DHX36: variants seen among roughly 807,000 people sequenced by gnomAD.
DHX36 encodes the protein ATP-dependent DNA/RNA helicase DHX36.
DHX36 carries 50 observed loss-of-function variants against 139.0 expected under a neutral mutation model. That is an observed-to-expected ratio of 0.36 (90% confidence interval 0.29 to 0.46). The LOEUF (loss-of-function observed/expected upper bound fraction) is 0.46. DHX36 is among the 20% of genes least tolerant of loss of function. The pLI is 1.00. For synonymous variants in DHX36, 425 were observed against 401.9 expected (o/e 1.06, Z -0.69); for missense variants, 1,024 against 1,211.3 (o/e 0.85, Z 2.29).
At chr3:154,293,656 A>G in intron 14 of DHX36, 92 bp downstream of exon 14, 1 of 915,450 alleles carries the variant, frequency 1.1e-6, no homozygotes, top group East Asian at 2.5e-5. Flanking sequence ...TACAAGGTAT[A>G]TGGTAGAGAA....
chr3:154,305,401 C>T lies in DHX36; in HGVS notation c.894-233G>A, dbSNP rs1032168957. On this transcript the variant is annotated intron_variant, in intron 6 of 24. Transcript: ENST00000496811. Reference sequence around the variant, plus strand: ...TAATGTTAATTTCTTTTAAAAGATACGACCATTCACATTCAGACAACAACT... The same window carrying T: ...TAATGTTAATTTCTTTTAAAAGATATGACCATTCACATTCAGACAACAACT... 7.1e-5 allele frequency: 28 copies of T among 395,880 alleles called. 1 individual carries two copies. The highest frequency in any genetic ancestry group is 7.0e-4 in the Middle Eastern group (1 of 1,432). 24.5% of individuals were successfully genotyped at this position (395,880 alleles called of 1,614,324 possible). A position where few individuals can be genotyped will look rare whatever the true frequency, so the allele number is the denominator to read the frequency against.
At chr3:154,305,441 G>A in intron 6 of DHX36, 1 of 285,434 alleles carries the variant, frequency 3.5e-6, no homozygotes, top group Non-Finnish European at 6.5e-6. Context: ...TACTTATGGG[G>A]CCTAAATATT....
chr3:154,290,786 A>G (rs1711763595), intron 15 of DHX36, among the ~76,000 whole-genome samples: 1 of 152,132 alleles, frequency 6.6e-6, no homozygotes, highest in South Asian at 2.1e-4. Flanking sequence ...ACATAGACCC[A>G]CTGTCTATTA....
rs932078713 is a variant in DHX36, at chr3:154,276,053, G to A, written c.*118C>T. On this transcript the variant is annotated 3_prime_UTR_variant, in exon 25 of 25. Transcript: ENST00000496811. ...CATTAAGTCTTTACTACCTACTGAA[G>A]GCTTCTACCTTACACATGAAAATTG... 3 of 828,438 alleles carry A rather than the reference G, an allele frequency of 3.6e-6. No individual in the cohort carries two copies. The Admixed American group carries it at 8.5e-5, about 24-fold the overall frequency. 51.3% of individuals were successfully genotyped at this position (828,438 alleles called of 1,614,324 possible).
chr3:154,324,253 C>G lies in DHX36; in HGVS notation c.164G>C (p.Gly55Ala), dbSNP rs1486365314. 2 of 1,613,660 alleles carry G rather than the reference C, an allele frequency of 1.2e-6. No individual in the cohort carries two copies. Among genetic ancestry groups the G allele is most frequent in the South Asian group, 1.1e-5 (1 of 91,020 alleles). The part of the protein sequence containing the change: ...GGRGGRGRHP[G>A]HLKGREIGMW... The stretch of plus-strand genomic sequence containing the variant: ...GCCGATTTCGCGGCCTTTCAGGTGC[C>G]CGGGATGCCGGCCCCTGCCGCCTCG... The change falls in exon 1 of 25, where the codon GGG becomes GCG. Residue 55 changes from glycine (G) to alanine (A), a missense_variant. By Grantham distance (60) the Gly-to-Ala change is moderately conservative. Coordinates refer to ENST00000496811, the MANE Select transcript of DHX36 (RefSeq NM_020865.3).
At chr3:154,286,166 CAAAAA>C (rs60041573) in intron 17 of DHX36, among the ~76,000 whole-genome samples, 1 of 16,564 alleles carries the variant, frequency 6.0e-5, no homozygotes, top group East Asian at 1.8e-3. Flanking sequence ...TTCCACACAC[CAAAAA>C]AAAAAAAAAA....
At chr3:154,298,293 A>G (rs1712124177) in intron 12 of DHX36, among the ~76,000 whole-genome samples, 1 of 152,202 alleles carries the variant, frequency 6.6e-6, no homozygotes. Flanking sequence ...ATTTTTTAAA[A>G]TTATAAGTAC....
intron 20 of DHX36, among the ~76,000 whole-genome samples, chr3:154,282,454 T>C (rs1283988318): frequency 6.6e-6 from 1 of 152,196 alleles, no homozygotes; most frequent in East Asian, 1.9e-4. Flanking sequence ...TATGTTTTGC[T>C]GAATTCATAT....
chr3:154,277,506 A>G lies in DHX36; in HGVS notation c.2688+92T>C, dbSNP rs984665218. The G allele has an allele frequency of 2.2e-6, 3 of 1,339,052 alleles. No individual in the cohort carries two copies. In the African/African-American group the frequency reaches 4.5e-5, roughly 20 times the overall value. 82.9% of individuals were successfully genotyped at this position (1,339,052 alleles called of 1,614,324 possible). A position where few individuals can be genotyped will look rare whatever the true frequency, so the allele number is the denominator to read the frequency against. On this transcript the variant is annotated intron_variant, in intron 23 of 24. Transcript: ENST00000496811. ...CACAGGAATAAGACACAACAAAAAA[A>G]AAATTTTGTATATAATTGTTAAAAC...
intron 11 of DHX36, among the ~76,000 whole-genome samples, chr3:154,300,267 C>T (rs1712215130): frequency 6.6e-6 from 1 of 152,070 alleles, no homozygotes; most frequent in African/African-American, 2.4e-5. Flanking sequence ...AGGGTTTTGC[C>T]ACATTGGCCA....
intron 1 of DHX36, among the ~76,000 whole-genome samples, chr3:154,322,291 C>G (rs917536831): frequency 2.0e-5 from 3 of 152,144 alleles, no homozygotes; most frequent in African/African-American, 7.2e-5. Context: ...CAGACTGAGA[C>G]AGAAGTGACA....
At chr3:154,324,073 A>G in intron 1 of DHX36, 101 bp downstream of exon 1, 4 of 1,302,034 alleles carry the variant, frequency 3.1e-6, no homozygotes, top group East Asian at 2.4e-5. Flanking sequence ...TTCACAAAAC[A>G]CGTGCATCAC....
chr3:154,283,105 C>A, intron 20 of DHX36, 83 bp downstream of exon 20: 2 of 1,082,730 alleles, frequency 1.8e-6, no homozygotes, highest in Admixed American at 1.8e-5. Context: ...GACTTTTTTG[C>A]TATAGATCTA....
chr3:154,313,336 C>T (rs959214202), intron 3 of DHX36, among the ~76,000 whole-genome samples: 1 of 152,072 alleles, frequency 6.6e-6, no homozygotes, highest in Non-Finnish European at 1.5e-5. Context: ...TGAGATAATT[C>T]AACTATAAGC....
intron 24 of DHX36, 192 bp downstream of exon 24, chr3:154,276,555 G>T: frequency 1.3e-6 from 1 of 755,824 alleles, no homozygotes; most frequent in Non-Finnish European, 2.1e-6. Context: ...CAATCACACT[G>T]AGCCATTTAG....
intron 19 of DHX36, among the ~76,000 whole-genome samples, chr3:154,284,136 C>T (rs1045801865): frequency 6.6e-6 from 1 of 152,114 alleles, no homozygotes; most frequent in African/African-American, 2.4e-5. Context: ...TAAATTTCAA[C>T]ATTCTCAGTA....
Position 154,300,697 on chromosome 3 carries a change from C to A in DHX36, c.1359-1G>T. On this transcript the variant is annotated splice_acceptor_variant, in intron 10 of 24. Transcript: ENST00000496811. LOFTEE classifies it high-confidence loss of function. ...AACATCTACAGTACTTGCAGAATAC[C>A]TATCAAAGTTAAACACAAAGTCATG... The A allele has an allele frequency of 6.3e-7, 1 of 1,599,928 alleles. No homozygotes were observed. The highest frequency in any genetic ancestry group is 8.5e-7 in the Non-Finnish European group (1 of 1,171,910).
At chr3:154,303,456 T>TA (rs1576872823) in intron 8 of DHX36, 46 bp from the exon 9 acceptor site, 1 of 1,335,480 alleles carries the variant, frequency 7.5e-7, no homozygotes, top group East Asian at 2.3e-5. Context: ...ACTCAAATGT[T>TA]AAAAACATTA....
chr3:154,307,699 C>T (rs1292351522), intron 5 of DHX36, among the ~76,000 whole-genome samples: 1 of 151,672 alleles, frequency 6.6e-6, no homozygotes, highest in Non-Finnish European at 1.5e-5. Context: ...CTATAGAAAA[C>T]AGTATGGAGA....
Sources: gnomAD v4.1 joint callset for allele counts (sites outside exome capture counted in the v4.1 genomes callset) on GRCh38, gnomAD v4.1.1 for gene constraint, MANE v1.5 for transcripts, NCBI Gene and HGNC (gene_info 2026-07-23, HGNC 2026-07-21) for gene names.